Variants in WDPCP observed in about 807,000 individuals in gnomAD.
The protein encoded by WDPCP is WD repeat containing planar cell polarity effector, also known as WD repeat-containing and planar cell polarity effector protein fritz homolog.
WDPCP carries 71 observed loss-of-function variants against 93.1 expected under a neutral mutation model. That is an observed-to-expected ratio of 0.76 (90% CI 0.63 to 0.93). The LOEUF (loss-of-function observed/expected upper bound fraction) is 0.93, where lower values mean the gene tolerates loss of function less well. Ranked by LOEUF, WDPCP falls within the 40% of genes least tolerant of loss-of-function variation. WDPCP has a pLI of 0.00. For missense variants in WDPCP, 844 were observed against 887.4 expected, an observed-to-expected ratio of 0.95 and a Z score of 0.62; for synonymous variants, 315 against 315.0, an observed-to-expected ratio of 1.00 and a Z score of 0.00.
intron 1 of WDPCP, among the ~76,000 whole-genome samples, chr2:63,569,843 C>A (rs541583722): frequency 1.3e-5 from 2 of 152,318 alleles, no homozygotes; most frequent in South Asian, 4.1e-4. Context: ...AAAGGACTAT[C>A]TGACTATATA....
intron 2 of WDPCP, among the ~76,000 whole-genome samples, chr2:63,750,889 A>G (rs1411153568): frequency 1.3e-5 from 2 of 152,092 alleles, no homozygotes; most frequent in Non-Finnish European, 2.9e-5. Context: ...TTAAGTTTTC[A>G]AAGATTTTTA....
At chr2:63,556,996 C>T (rs1706177587) in intron 1 of WDPCP, among the ~76,000 whole-genome samples, 1 of 152,204 alleles carries the variant, frequency 6.6e-6, no homozygotes, top group Non-Finnish European at 1.5e-5. Flanking sequence ...CCAGGCCTTC[C>T]TTACAAGAGC....
chr2:63,577,205 T>C (rs889579538), intron 1 of WDPCP, among the ~76,000 whole-genome samples: 4 of 152,186 alleles, frequency 2.6e-5, no homozygotes, highest in African/African-American at 7.2e-5. Flanking sequence ...TCTAGAGTAA[T>C]CTTGCCTTAT....
At chr2:63,369,896 T>G (rs542547601) in intron 12 of WDPCP, among the ~76,000 whole-genome samples, 52 of 152,274 alleles carry the variant, frequency 3.4e-4, no homozygotes, top group Non-Finnish European at 6.6e-4. Flanking sequence ...TATAAGGACT[T>G]CTTTTACTGC....
chr2:63,364,559 A>G (rs1269226573), intron 12 of WDPCP, among the ~76,000 whole-genome samples: 1 of 152,086 alleles, frequency 6.6e-6, no homozygotes, highest in Non-Finnish European at 1.5e-5. Context: ...CCTCTTCCCC[A>G]AGACACATAG....
intron 2 of WDPCP, among the ~76,000 whole-genome samples, chr2:63,783,281 G>T (rs938427192): frequency 1.3e-5 from 2 of 151,924 alleles, no homozygotes; most frequent in African/African-American, 4.8e-5. Flanking sequence ...AATTAGCCAG[G>T]TGTCATGGTA....
chr2:63,828,173 T>A (rs1413092205), upstream of WDPCP, among the ~76,000 whole-genome samples: 1 of 152,118 alleles, frequency 6.6e-6, no homozygotes, highest in East Asian at 1.9e-4. Flanking sequence ...TACTTTTTTT[T>A]TTTTTCATTC....
chr2:63,323,137 G>A (rs1367020318), intron 12 of WDPCP, among the ~76,000 whole-genome samples: 2 of 152,226 alleles, frequency 1.3e-5, no homozygotes, highest in African/African-American at 2.4e-5. Context: ...GTGGCCATGA[G>A]TGGAACTCTC....
chr2:63,795,239 C>T (rs867097007), intron 2 of WDPCP, among the ~76,000 whole-genome samples: 16 of 152,256 alleles, frequency 1.1e-4, no homozygotes, highest in African/African-American at 3.4e-4. Flanking sequence ...AGTGGAACAA[C>T]AATGAGGATC....
chr2:63,507,311 G>A (rs879329270), intron 1 of WDPCP, among the ~76,000 whole-genome samples: 9 of 151,914 alleles, frequency 5.9e-5, no homozygotes, highest in Admixed American at 3.9e-4. Context: ...TTTCTCAATC[G>A]CAACACTGGG....
chr2:63,445,356 G>A (rs1470591422), intron 6 of WDPCP, among the ~76,000 whole-genome samples: 4 of 152,036 alleles, frequency 2.6e-5, no homozygotes, highest in Non-Finnish European at 4.4e-5. Context: ...AGATTTGTAC[G>A]GTGTTATTCA....
chr2:63,213,552 C>G (rs543584401), intron 14 of WDPCP, among the ~76,000 whole-genome samples: 1 of 152,224 alleles, frequency 6.6e-6, no homozygotes, highest in East Asian at 1.9e-4. Context: ...CCTAACATCA[C>G]AATTAAACGA....
chr2:63,286,693 T>C (rs1452535899), intron 13 of WDPCP, among the ~76,000 whole-genome samples: 2 of 152,268 alleles, frequency 1.3e-5, no homozygotes, highest in Admixed American at 1.3e-4. Flanking sequence ...TCCAATCTTA[T>C]GGTCACTGAT....
intron 9 of WDPCP, among the ~76,000 whole-genome samples, chr2:63,413,734 G>A (rs764600703): frequency 2.6e-5 from 4 of 152,100 alleles, no homozygotes; most frequent in Non-Finnish European, 5.9e-5. Flanking sequence ...GGAGGTGGAG[G>A]TTGCAGTGAG....
At chr2:63,214,427 T>G (rs1406961871) in intron 14 of WDPCP, among the ~76,000 whole-genome samples, 1 of 152,178 alleles carries the variant, frequency 6.6e-6, no homozygotes, top group Non-Finnish European at 1.5e-5. Flanking sequence ...CAACAGTGCT[T>G]CACGCTAAAA....
chr2:63,150,943 T>C (rs1401291416), intron 17 of WDPCP, among the ~76,000 whole-genome samples: 3 of 152,234 alleles, frequency 2.0e-5, no homozygotes, highest in Admixed American at 1.3e-4. Context: ...CTGTACTTAA[T>C]AGCAATTTCT....
At chr2:63,322,804 A>G (rs1254940906) in intron 12 of WDPCP, among the ~76,000 whole-genome samples, 1 of 151,890 alleles carries the variant, frequency 6.6e-6, no homozygotes, top group Non-Finnish European at 1.5e-5. Context: ...CCAAGAAGTG[A>G]GACTATCGCC....
At chr2:63,525,451 C>T (rs1456997086) in intron 1 of WDPCP, among the ~76,000 whole-genome samples, 1 of 152,104 alleles carries the variant, frequency 6.6e-6, no homozygotes, top group Non-Finnish European at 1.5e-5. Flanking sequence ...TCTCTCATTG[C>T]TTCTTTTGGA....
chr2:63,183,058 T>G (rs1674372331), intron 14 of WDPCP, among the ~76,000 whole-genome samples: 1 of 151,998 alleles, frequency 6.6e-6, no homozygotes, highest in Non-Finnish European at 1.5e-5. Context: ...GCTAGCAGTT[T>G]GTCAACTTTA....
Sources: allele counts gnomAD v4.1 joint callset (sites outside exome capture counted in the v4.1 genomes callset), GRCh38; gene constraint gnomAD v4.1.1; transcripts MANE v1.5; gene names NCBI Gene and HGNC (gene_info 2026-07-23, HGNC 2026-07-21).